UBE4A: variants seen among roughly 807,000 people sequenced by gnomAD.
UBE4A encodes ubiquitin conjugation factor E4 A.
Under a neutral mutation model 117.9 loss-of-function variants are expected in UBE4A, and 48 were observed. That is an observed-to-expected ratio of 0.41 (90% CI 0.32 to 0.52). The LOEUF is 0.52. UBE4A is among the 20% of genes least tolerant of loss of function. The probability of loss-of-function intolerance (pLI) is 0.33; values close to 1 mark genes in which losing one functional copy is unlikely to be tolerated. For synonymous variants in UBE4A, 407 were observed against 450.0 expected (o/e 0.90, Z 1.21); for missense variants, 1,067 against 1,296.3 (o/e 0.82, Z 2.72).
intron 19 of UBE4A, among the ~76,000 whole-genome samples, chr11:118,394,631 A>C (rs1240941755): frequency 6.6e-6 from 1 of 151,978 alleles, no homozygotes; most frequent in African/African-American, 2.4e-5. Flanking sequence ...ATTAGCCGGG[A>C]GTGGTGACAC....
In UBE4A at chr11:118,386,621, A is replaced by G. The variant is rs782518044; in HGVS notation, c.2587+9A>G. The G allele has an allele frequency of 3.0e-5, 46 of 1,533,818 alleles. No individual in the cohort carries two copies. The highest frequency in any genetic ancestry group is 4.0e-5 in the Non-Finnish European group (46 of 1,144,064). ...TGCCTTTCTCACATCAGGTAAGGAC[A>G]TGAAGTACTGCTTCCCCCCAAAAAA... On this transcript the variant is annotated intron_variant, in intron 16 of 19. Coordinates refer to ENST00000252108, the MANE Select transcript of UBE4A (RefSeq NM_001204077.2).
intron 15 of UBE4A, among the ~76,000 whole-genome samples, chr11:118,385,977 A>C (rs1555127156): frequency 6.6e-6 from 1 of 152,174 alleles, no homozygotes; most frequent in Non-Finnish European, 1.5e-5. Flanking sequence ...TGAGGTAGAG[A>C]GTTTTAAATA....
Position 118,390,673 on chromosome 11 carries a change from T to G in UBE4A, c.2785T>G (p.Cys929Gly). Reference protein sequence around the residue: ...YLNLGDEENFCATVPKDGRSY... With the variant: ...YLNLGDEENFGATVPKDGRSY... ...ATGTTCCAGGGATGAGGAGAATTTC[T>G]GTGCCACTGTGCCCAAGGATGGACG... is the stretch of plus-strand genomic sequence containing the variant. Residue 929 changes from cysteine (C) to glycine (G), a missense_variant, in exon 18 of 20, where the codon TGT (cysteine) becomes GGT (glycine). Coordinates refer to ENST00000252108, the MANE Select transcript of UBE4A (RefSeq NM_001204077.2). 1 of 1,520,980 alleles carries G rather than the reference T, an allele frequency of 6.6e-7. No homozygotes were observed. Among genetic ancestry groups the G allele is most frequent in the Non-Finnish European group, 8.8e-7 (1 of 1,138,818 alleles). 94.2% of individuals were successfully genotyped at this position (1,520,980 alleles called of 1,614,324 possible).
chr11:118,367,140 C>T (rs1010746927), intron 2 of UBE4A, among the ~76,000 whole-genome samples: 3 of 150,792 alleles, frequency 2.0e-5, no homozygotes, highest in African/African-American at 4.9e-5. Context: ...GTAGAGGTTG[C>T]GGTGAGCCGA....
At chr11:118,389,665 C>A in intron 16 of UBE4A, 60 bp from the exon 17 acceptor site, 3 of 1,426,094 alleles carry the variant, frequency 2.1e-6, no homozygotes, top group Non-Finnish European at 2.8e-6. Flanking sequence ...ATAAACTATA[C>A]CTAATAAGGA....
chr11:118,394,822 T>C (rs1948854449), intron 19 of UBE4A, among the ~76,000 whole-genome samples: 1 of 151,240 alleles, frequency 6.6e-6, no homozygotes, highest in Non-Finnish European at 1.5e-5. Context: ...TTATTTTTAA[T>C]TAGCCAAGTA....
intron 10 of UBE4A, among the ~76,000 whole-genome samples, chr11:118,377,429 G>A (rs1299120482): frequency 2.6e-5 from 4 of 151,786 alleles, no homozygotes; most frequent in Non-Finnish European, 4.4e-5. Flanking sequence ...GGCTGGTCTC[G>A]AACTCCTGAC....
intron 12 of UBE4A, 92 bp from the exon 13 acceptor site, chr11:118,382,497 T>G: frequency 6.1e-6 from 7 of 1,140,046 alleles, no homozygotes; most frequent in Non-Finnish European, 8.0e-6. Context: ...TAATATGGTT[T>G]AGGGTGGATT....
chr11:118,372,306 G>C (rs1367201845), intron 5 of UBE4A, among the ~76,000 whole-genome samples: 2 of 152,184 alleles, frequency 1.3e-5, no homozygotes, highest in African/African-American at 2.4e-5. Context: ...GTAAATATTA[G>C]AGTAGGCTAA....
At chr11:118,367,595 G>A (rs1034976607) in intron 2 of UBE4A, among the ~76,000 whole-genome samples, 3 of 149,616 alleles carry the variant, frequency 2.0e-5, no homozygotes, top group African/African-American at 4.9e-5. Context: ...TCTGCCTCCC[G>A]GGTTTAAGCA....
At chr11:118,369,618 G>T in intron 4 of UBE4A, 83 bp downstream of exon 4, 4 of 940,060 alleles carry the variant, frequency 4.3e-6, no homozygotes, top group Non-Finnish European at 5.0e-6. Flanking sequence ...TCCAACTTAT[G>T]CTTGTGTCCA....
intron 18 of UBE4A, 76 bp from the exon 19 acceptor site, chr11:118,392,662 T>C: frequency 7.0e-7 from 1 of 1,422,446 alleles, no homozygotes. Flanking sequence ...TGAGATGGAG[T>C]CTTGCTCTGT....
At chr11:118,367,831 T>G (rs1948576897) in intron 2 of UBE4A, among the ~76,000 whole-genome samples, 1 of 152,326 alleles carries the variant, frequency 6.6e-6, no homozygotes, top group Admixed American at 6.5e-5. Context: ...TCAAGCTCTT[T>G]GATCCAGCAG....
At chr11:118,381,278 C>T in intron 11 of UBE4A, 113 bp from the exon 12 acceptor site, 2 of 1,345,056 alleles carry the variant, frequency 1.5e-6, no homozygotes, top group South Asian at 1.5e-5. Context: ...ACCAACAAAA[C>T]ATTTAGGGTT....
In UBE4A at chr11:118,399,084, T is replaced by C. The variant is rs572631495; in HGVS notation, c.*2644T>C. 4.4e-6 allele frequency: 2 copies of C among 456,300 alleles called. No individual in the cohort carries two copies. Among genetic ancestry groups the C allele is most frequent in the Non-Finnish European group, 4.4e-6 (1 of 226,788 alleles). The allele number at this position is 456,300 out of a possible 1,614,324, so 28.3% of individuals were successfully genotyped here. A position where few individuals can be genotyped will look rare whatever the true frequency, so the allele number is the denominator to read the frequency against. On this transcript the variant is annotated 3_prime_UTR_variant, in exon 20 of 20. Transcript: ENST00000252108. Reference sequence around the variant, plus strand: ...AACCTAGAAACAGAAAATGAAAAGGTTGATTGAAATAAAACTTGATCAACG... The same window carrying C: ...AACCTAGAAACAGAAAATGAAAAGGCTGATTGAAATAAAACTTGATCAACG...
In UBE4A at chr11:118,384,968, AG is replaced by A. The variant is rs369779231; in HGVS notation, c.2412+24del. On this transcript the variant is annotated intron_variant, in intron 15 of 19. Coordinates refer to ENST00000252108, the MANE Select transcript of UBE4A (RefSeq NM_001204077.2). ...CAGGTAAAAAAAAAAAAAAAAAAAA[AG>A]ATTTAACTTCTCCATACCATCAAAT... The A allele has an allele frequency of 9.6e-3, 12,987 of 1,356,284 alleles. 49 individuals carry two copies. Among genetic ancestry groups the A allele is most frequent in the Non-Finnish European group, 0.011 (10,928 of 977,772 alleles). 84.0% of individuals were successfully genotyped at this position (1,356,284 alleles called of 1,614,324 possible). A position where few individuals can be genotyped will look rare whatever the true frequency, so the allele number is the denominator to read the frequency against.
At chr11:118,372,989 A>G in intron 6 of UBE4A, 97 bp from the exon 7 acceptor site, 1 of 1,132,590 alleles carries the variant, frequency 8.8e-7, no homozygotes, top group East Asian at 2.8e-5. Flanking sequence ...CAGCTCTAAA[A>G]AAAAAAAAAA....
At chr11:118,374,840 A>G (rs1302456510) in intron 8 of UBE4A, 56 bp from the exon 9 acceptor site, 9 of 1,412,208 alleles carry the variant, frequency 6.4e-6, no homozygotes, top group Non-Finnish European at 8.4e-6. Flanking sequence ...AAGGTTTGGG[A>G]ATAAAAACTA....
chr11:118,386,880 T>C (rs782069319), intron 16 of UBE4A, among the ~76,000 whole-genome samples: 27 of 152,336 alleles, frequency 1.8e-4, no homozygotes, highest in African/African-American at 6.0e-4. Flanking sequence ...CATATAAATA[T>C]ATGTGTGTCT....
Sources: gnomAD v4.1 joint callset for allele counts (sites outside exome capture counted in the v4.1 genomes callset) on GRCh38, gnomAD v4.1.1 for gene constraint, MANE v1.5 for transcripts, NCBI Gene and HGNC (gene_info 2026-07-23, HGNC 2026-07-21) for gene names.